RORA: variants seen among roughly 807,000 people sequenced by gnomAD.
RORA encodes the protein RAR related orphan receptor A.
Under a neutral mutation model 69.5 loss-of-function variants are expected in RORA, and 7 were observed. That is an observed-to-expected ratio of 0.10 (90% CI 0.06 to 0.19). The LOEUF (loss-of-function observed/expected upper bound fraction) is 0.19, where lower values mean the gene tolerates loss of function less well. RORA is among the 10% of genes least tolerant of loss of function. RORA has a pLI of 1.00. For missense variants in RORA, 457 were observed against 663.0 expected (o/e 0.69, Z 3.41); for synonymous variants, 261 against 240.8 (o/e 1.08, Z -0.78).
intron 2 of RORA, among the ~76,000 whole-genome samples, chr15:60,661,147 C>T (rs2070297954): frequency 6.7e-6 from 1 of 149,192 alleles, no homozygotes; most frequent in Admixed American, 6.7e-5. Flanking sequence ...ATAGCAATTA[C>T]TTTACATTTC....
chr15:61,007,904 T>C (rs1035294343), intron 1 of RORA, among the ~76,000 whole-genome samples: 4 of 150,238 alleles, frequency 2.7e-5, no homozygotes, highest in Non-Finnish European at 5.9e-5. Flanking sequence ...GAAATTATCC[T>C]AATAGAAAAT....
At chr15:60,676,372 C>T (rs2070552646) in intron 2 of RORA, among the ~76,000 whole-genome samples, 1 of 152,180 alleles carries the variant, frequency 6.6e-6, no homozygotes, top group Non-Finnish European at 1.5e-5. Flanking sequence ...AATTCAATTT[C>T]TCCTTGGCAT....
chr15:60,804,597 TG>T (rs1323341671), intron 1 of RORA, among the ~76,000 whole-genome samples: 5 of 152,272 alleles, frequency 3.3e-5, no homozygotes, highest in African/African-American at 1.2e-4. Context: ...TGTGGCTAAG[TG>T]AGTTTGATTG....
At chr15:61,202,184 G>C (rs1025263864) in intron 1 of RORA, among the ~76,000 whole-genome samples, 1 of 151,364 alleles carries the variant, frequency 6.6e-6, no homozygotes, top group African/African-American at 2.4e-5. Flanking sequence ...ATTTTTTTTT[G>C]TATTTTTAGT....
At chr15:60,549,888 C>A (rs2067181334) in intron 2 of RORA, among the ~76,000 whole-genome samples, 1 of 152,158 alleles carries the variant, frequency 6.6e-6, no homozygotes, top group African/African-American at 2.4e-5. Context: ...TGGCCATCAA[C>A]TGAATTGTAA....
intron 1 of RORA, among the ~76,000 whole-genome samples, chr15:60,688,822 C>G (rs2070782757): frequency 6.6e-6 from 1 of 152,194 alleles, no homozygotes; most frequent in Non-Finnish European, 1.5e-5. Context: ...AGGAAAACCA[C>G]CACCCTTTAG....
intron 1 of RORA, among the ~76,000 whole-genome samples, chr15:61,119,640 G>T (rs971789129): frequency 6.6e-6 from 1 of 151,896 alleles, no homozygotes; most frequent in Non-Finnish European, 1.5e-5. Context: ...CTCCAGTAGG[G>T]CTCCCCAGGT....
chr15:60,606,584 T>C (rs2068951826), intron 2 of RORA, among the ~76,000 whole-genome samples: 1 of 152,208 alleles, frequency 6.6e-6, no homozygotes, highest in Non-Finnish European at 1.5e-5. Context: ...CAGTTAATCA[T>C]CATATATTTT....
intron 1 of RORA, among the ~76,000 whole-genome samples, chr15:60,826,744 TCTCTCTCTCTCTCTCTCTCTCC>T (rs1405463341): frequency 3.7e-5 from 3 of 80,808 alleles, no homozygotes; most frequent in Non-Finnish European, 6.9e-5. Flanking sequence ...CTACCTGCTC[TCTCTCTCTCTCTCTCTCTCTCC>T]CTCTCTCTCT....
In RORA at chr15:60,903,041, C is replaced by G. The variant is rs146759883; in HGVS notation, c.167-224355G>C. On this transcript the variant is annotated intron_variant, in intron 1 of 10. Transcript: ENST00000335670. ...AAGCTTTTTATTCAGGGGATGAATT[C>G]TGGTCTTCCTCTCTGTATATGGGAC... Among the ~76,000 whole-genome samples, 173 of 152,308 alleles carry G rather than the reference C, an allele frequency of 1.1e-3. 4 individuals are homozygous for G. Among genetic ancestry groups the G allele is most frequent in the African/African-American group, 3.2e-3 (134 of 41,572 alleles).
chr15:60,580,680 A>G (rs2068166981), intron 2 of RORA, among the ~76,000 whole-genome samples: 1 of 152,326 alleles, frequency 6.6e-6, no homozygotes, highest in East Asian at 1.9e-4. Flanking sequence ...AAAAATCACT[A>G]TGCATTCATG....
chr15:60,657,367 A>T (rs1385158761), intron 2 of RORA, among the ~76,000 whole-genome samples: 1 of 152,028 alleles, frequency 6.6e-6, no homozygotes, highest in Non-Finnish European at 1.5e-5. Context: ...GGCCCTCTCC[A>T]TGACAACTGC....
At chr15:60,869,234 C>T (rs987490286) in intron 1 of RORA, among the ~76,000 whole-genome samples, 3 of 152,132 alleles carry the variant, frequency 2.0e-5, no homozygotes, top group Non-Finnish European at 4.4e-5. Flanking sequence ...TGTCAGGCAT[C>T]GGAATGTGGC....
intron 1 of RORA, among the ~76,000 whole-genome samples, chr15:61,113,272 A>G (rs1682161755): frequency 1.3e-5 from 2 of 152,206 alleles, no homozygotes; most frequent in Non-Finnish European, 1.5e-5. Context: ...GTGATTTGTA[A>G]AGATGTTTCG....
In RORA at chr15:60,491,797, T is replaced by C. The variant is rs938829041; in HGVS notation, c.*5658A>G. 1 of 152,030 alleles carries C rather than the reference T, an allele frequency of 6.6e-6. No individual in the cohort carries two copies. The highest frequency in any genetic ancestry group is 1.9e-4 in the East Asian group (1 of 5,194). The allele number at this position is 152,030 out of a possible 1,614,324, so 9.4% of individuals were successfully genotyped here. On this transcript the variant is annotated 3_prime_UTR_variant, in exon 11 of 11. Transcript: ENST00000335670. The stretch of plus-strand genomic sequence containing the variant: ...AGTCTTCTCATCTCTTAAAAATAAA[T>C]AGCAATAGGAAGGTCTCTATAATAC...
At chr15:60,658,556 CTGTA>C (rs1362388825) in intron 2 of RORA, among the ~76,000 whole-genome samples, 2 of 152,240 alleles carry the variant, frequency 1.3e-5, no homozygotes, top group East Asian at 1.9e-4. Flanking sequence ...CAAAGCCCTT[CTGTA>C]TGTATTTCTG....
intron 1 of RORA, among the ~76,000 whole-genome samples, chr15:60,981,236 C>T (rs922990186): frequency 1.3e-5 from 2 of 151,772 alleles, no homozygotes; most frequent in South Asian, 4.1e-4. Context: ...TTTTGAGATT[C>T]TCTATTCGTC....
chr15:61,040,164 A>ATATATAT (rs61081825), intron 1 of RORA, among the ~76,000 whole-genome samples: 1 of 117,712 alleles, frequency 8.5e-6, no homozygotes, highest in Non-Finnish European at 1.8e-5. Flanking sequence ...ATATATATAT[A>ATATATAT]AAATATATGA....
intron 1 of RORA, among the ~76,000 whole-genome samples, chr15:60,731,060 C>T (rs2071423810): frequency 6.6e-6 from 1 of 152,290 alleles, no homozygotes. Flanking sequence ...CCCACCTTCA[C>T]TGCCTCTTAA....
Sources: gnomAD v4.1 joint callset for allele counts (sites outside exome capture counted in the v4.1 genomes callset) on GRCh38, gnomAD v4.1.1 for gene constraint, MANE v1.5 for transcripts, NCBI Gene and HGNC (gene_info 2026-07-23, HGNC 2026-07-21) for gene names.